DPYSL3: variants seen among roughly 807,000 people sequenced by gnomAD.
DPYSL3 encodes dihydropyrimidinase like 3.
In DPYSL3, 16 loss-of-function variants were observed where a neutral mutation model predicts 66.1. The observed-to-expected ratio is 0.24, with a 90% CI of 0.16 to 0.37. DPYSL3 has a LOEUF of 0.37. DPYSL3 is among the 10% of genes least tolerant of loss of function. The pLI, the probability that DPYSL3 is intolerant of heterozygous loss-of-function variation, is 1.00. For missense variants in DPYSL3, 738 were observed against 916.2 expected, an observed-to-expected ratio of 0.81 and a Z score of 2.51; for synonymous variants, 338 against 345.1, an observed-to-expected ratio of 0.98 and a Z score of 0.23.
At chr5:147,469,468 A>C (rs1013732820) in intron 1 of DPYSL3, among the ~76,000 whole-genome samples, 1 of 152,222 alleles carries the variant, frequency 6.6e-6, no homozygotes, top group Admixed American at 6.5e-5. Flanking sequence ...AATATGGTTA[A>C]GTTAGATAGC....
intron 1 of DPYSL3, among the ~76,000 whole-genome samples, chr5:147,438,558 C>T (rs1471933262): frequency 3.3e-5 from 5 of 152,196 alleles, no homozygotes; most frequent in Non-Finnish European, 7.3e-5. Flanking sequence ...GGAATACATT[C>T]TCTGTGCTTA....
At chr5:147,399,548 A>C (rs1314036926) in intron 10 of DPYSL3, among the ~76,000 whole-genome samples, 2 of 152,228 alleles carry the variant, frequency 1.3e-5, no homozygotes, top group Admixed American at 1.3e-4. Context: ...TAATTTCAAA[A>C]AGGATTATGG....
chr5:147,397,542 G>T, intron 12 of DPYSL3, 124 bp downstream of exon 12: 1 of 1,066,452 alleles, frequency 9.4e-7, no homozygotes, highest in African/African-American at 1.6e-5. Context: ...TTGGGGACAA[G>T]ACTGTCACTG....
chr5:147,440,608 A>G (rs1037043345), intron 1 of DPYSL3, among the ~76,000 whole-genome samples: 2 of 152,204 alleles, frequency 1.3e-5, no homozygotes, highest in Non-Finnish European at 2.9e-5. Context: ...TAGACATGTG[A>G]AAGTGCAGCC....
intron 1 of DPYSL3, among the ~76,000 whole-genome samples, chr5:147,459,830 G>T (rs964493837): frequency 6.6e-6 from 1 of 152,232 alleles, no homozygotes; most frequent in African/African-American, 2.4e-5. Flanking sequence ...GTTGCGAGAG[G>T]CCGGGTGCTG....
chr5:147,497,715 A>G (rs1038105300), intron 1 of DPYSL3, among the ~76,000 whole-genome samples: 1 of 152,146 alleles, frequency 6.6e-6, no homozygotes, highest in Non-Finnish European at 1.5e-5. Flanking sequence ...GATAAAAAAA[A>G]AAAAACTTAG....
At chr5:147,508,236 C>G (rs952444524) in intron 1 of DPYSL3, among the ~76,000 whole-genome samples, 5 of 152,154 alleles carry the variant, frequency 3.3e-5, no homozygotes, top group Admixed American at 6.5e-5. Context: ...CTTATTTTCC[C>G]TGGTGGTCTT....
intron 1 of DPYSL3, among the ~76,000 whole-genome samples, chr5:147,488,408 T>A (rs1232245607): frequency 6.6e-6 from 1 of 152,098 alleles, no homozygotes; most frequent in African/African-American, 2.4e-5. Flanking sequence ...TGGATGTGAG[T>A]CCTATCTCTG....
intron 13 of DPYSL3, among the ~76,000 whole-genome samples, chr5:147,394,354 T>C (rs945277992): frequency 1.3e-5 from 2 of 152,218 alleles, no homozygotes; most frequent in Non-Finnish European, 2.9e-5. Flanking sequence ...AGATTTCATC[T>C]GACCCAGAGC....
rs977853911 is a variant in DPYSL3 at position 147,453,729 on chromosome 5, G to A, written c.382-28766C>T. On this transcript the variant is annotated intron_variant, in intron 1 of 13. Transcript: ENST00000343218. ...CGCGCCGCCGCCTCCGCCCGCCTCC[G>A]CCCCCCTCCCGGGCTCCCGCGGCGG... 26 of 1,314,964 alleles carry A rather than the reference G, an allele frequency of 2.0e-5. No homozygotes were observed. The African/African-American group carries it at 3.1e-4, about 16-fold the overall frequency. The allele number at this position is 1,314,964 out of a possible 1,614,324, so 81.5% of individuals were successfully genotyped here.
chr5:147,405,290 T>A (rs540183046), intron 8 of DPYSL3, among the ~76,000 whole-genome samples: 1 of 152,232 alleles, frequency 6.6e-6, no homozygotes. Flanking sequence ...CTGACTGATA[T>A]GTCCGTTTAT....
In DPYSL3 at chr5:147,509,882, C is replaced by A; in HGVS notation, c.-24G>T. 6.7e-7 allele frequency: 1 copy of A among 1,488,122 alleles called. No homozygotes were observed. Among genetic ancestry groups the A allele is most frequent in the African/African-American group, 1.4e-5 (1 of 71,600 alleles). 92.2% of individuals were successfully genotyped at this position (1,488,122 alleles called of 1,614,324 possible). On this transcript the variant is annotated 5_prime_UTR_variant, in exon 1 of 14. Transcript: ENST00000343218. This position sits in a 1 kb window ranked among gnomAD's most constrained non-coding sequence, Gnocchi z 5.3. The stretch of plus-strand genomic sequence containing the variant: ...ATGGTTCAAGCACGAAAGCGGCCCG[C>A]GGGTTTTTCTTCCCCAGAGGCGGAA...
Position 147,412,695 on chromosome 5 carries a change from T to A in DPYSL3, c.883-7A>T, listed in dbSNP as rs533832093. 3 of 1,607,988 alleles carry A rather than the reference T, an allele frequency of 1.9e-6. No individual in the cohort carries two copies. In the South Asian group the frequency reaches 3.3e-5, roughly 18 times the overall value. On this transcript the variant is annotated splice_polypyrimidine_tract_variant and splice_region_variant and intron_variant, in intron 5 of 13. Transcript: ENST00000343218. ...AGGTGAAGATCTCATAGAGCTGAAA[T>A]AGAAATGAGTCTTTGTCACTCTTGC...
intron 1 of DPYSL3, among the ~76,000 whole-genome samples, chr5:147,462,062 G>T (rs1752941882): frequency 6.6e-6 from 1 of 151,586 alleles, no homozygotes; most frequent in Non-Finnish European, 1.5e-5. Context: ...ATCACCATTT[G>T]ATTCACTAGT....
chr5:147,431,420 T>C (rs1327062918), intron 1 of DPYSL3, among the ~76,000 whole-genome samples: 1 of 152,112 alleles, frequency 6.6e-6, no homozygotes, highest in Admixed American at 6.6e-5. Flanking sequence ...TTCAGTTACC[T>C]CATCAGTGAA....
chr5:147,500,082 C>G (rs1450054988), intron 1 of DPYSL3, among the ~76,000 whole-genome samples: 1 of 152,046 alleles, frequency 6.6e-6, no homozygotes, highest in African/African-American at 2.4e-5. Context: ...CTATAAAACT[C>G]CTAGAAAATA....
intron 1 of DPYSL3, among the ~76,000 whole-genome samples, chr5:147,445,921 T>G (rs1338893586): frequency 6.6e-6 from 1 of 152,174 alleles, no homozygotes; most frequent in Non-Finnish European, 1.5e-5. Context: ...ATTATTCCAT[T>G]TCTCCTCTGC....
rs147319273 is a variant in DPYSL3, at chr5:147,458,623, G to A, written c.382-33660C>T. ...AGGGTCTGGATCGAGACCCCTTTCC[G>A]GTAATAGCAGCAGTAAAGATTCCCT... is the stretch of plus-strand genomic sequence containing the variant. On this transcript the variant is annotated intron_variant, in intron 1 of 13. Transcript: ENST00000343218. Among the ~76,000 whole-genome samples the A allele has an allele frequency of 4.5e-3, 692 of 152,176 alleles. 10 individuals carry two copies. The highest frequency in any genetic ancestry group is 0.016 in the African/African-American group (666 of 41,492).
intron 1 of DPYSL3, among the ~76,000 whole-genome samples, chr5:147,497,916 T>C (rs201478261): frequency 4.0e-5 from 6 of 149,010 alleles, no homozygotes; most frequent in African/African-American, 1.5e-4. Flanking sequence ...CTCTCTCTCT[T>C]TCTCTCTCTC....
Sources: gnomAD v4.1 joint callset for allele counts (sites outside exome capture counted in the v4.1 genomes callset) on GRCh38, gnomAD v4.1.1 for gene constraint, Gnocchi (gnomAD v3.1) non-coding constraint, MANE v1.5 for transcripts, NCBI Gene and HGNC (gene_info 2026-07-23, HGNC 2026-07-21) for gene names.